GNG12: variants seen among roughly 807,000 people sequenced by gnomAD.
GNG12 encodes the protein G protein subunit gamma 12.
For synonymous variants in GNG12, 28 were observed against 29.7 expected (o/e 0.94, Z 0.19); for missense variants, 69 against 83.8 (o/e 0.82, Z 0.69).
intron 2 of GNG12, among the ~76,000 whole-genome samples, chr1:67,713,553 G>A (rs1235379976): frequency 6.6e-6 from 1 of 151,868 alleles, no homozygotes; most frequent in Non-Finnish European, 1.5e-5. Flanking sequence ...AAGCCCCAGG[G>A]TCTGAATCAC....
chr1:67,716,296 C>T (rs2100682143), intron 2 of GNG12, among the ~76,000 whole-genome samples: 1 of 152,236 alleles, frequency 6.6e-6, no homozygotes, highest in East Asian at 1.9e-4. Flanking sequence ...TTTGGAAATC[C>T]TTTTGAGGTC....
intron 2 of GNG12, among the ~76,000 whole-genome samples, chr1:67,710,826 T>C (rs984570251): frequency 2.0e-5 from 3 of 152,192 alleles, no homozygotes; most frequent in African/African-American, 7.2e-5. Flanking sequence ...CAATGGGGTA[T>C]TCCTGCTGGT....
chr1:67,706,656 C>T (rs1383486474), intron 3 of GNG12, among the ~76,000 whole-genome samples: 4 of 141,230 alleles, frequency 2.8e-5, no homozygotes, highest in African/African-American at 1.1e-4. Context: ...TCTTTTCTTT[C>T]TTTTTTTTTT....
chr1:67,760,842 G>A (rs1646599076), intron 2 of GNG12, among the ~76,000 whole-genome samples: 1 of 152,210 alleles, frequency 6.6e-6, no homozygotes, highest in African/African-American at 2.4e-5. Context: ...GATAAACAGA[G>A]AATCCACAAT....
Position 67,716,101 on chromosome 1 carries a change from G to T in GNG12, c.-26-8389C>A, listed in dbSNP as rs139296073. ...GCTTACAGGCAAGGCAAATGAGAGGGAGAGATGAGGAGGGGCTGCACAGAG... is the reference window on the plus strand; with the variant it reads ...GCTTACAGGCAAGGCAAATGAGAGGTAGAGATGAGGAGGGGCTGCACAGAG... On this transcript the variant is annotated intron_variant, in intron 2 of 3. Transcript: ENST00000370982. Among the ~76,000 whole-genome samples, 502 of 152,326 alleles carry T rather than the reference G, an allele frequency of 3.3e-3. 3 individuals are homozygous for T. Among genetic ancestry groups the T allele is most frequent in the African/African-American group, 0.011 (474 of 41,586 alleles).
At chr1:67,816,720 C>A (rs1017677763) in intron 1 of GNG12, among the ~76,000 whole-genome samples, 8 of 152,188 alleles carry the variant, frequency 5.3e-5, no homozygotes, top group African/African-American at 1.9e-4. Context: ...GCCGTCCTCC[C>A]AGGACAGGTA....
At chr1:67,730,681 T>C (rs902414117) in intron 2 of GNG12, among the ~76,000 whole-genome samples, 1 of 152,234 alleles carries the variant, frequency 6.6e-6, no homozygotes, top group Non-Finnish European at 1.5e-5. Context: ...GTGCTGGCTG[T>C]GTATTTCACT....
chr1:67,802,433 C>G lies in GNG12; in HGVS notation c.-76-24926G>C, dbSNP rs576667612. ...ATTGGCTCTACAGCCCCATCTCCAG[C>G]CAGCCACTCCTGCTGCTCTGCCATG... is the stretch of plus-strand genomic sequence containing the variant. On this transcript the variant is annotated intron_variant, in intron 1 of 3. Transcript: ENST00000370982. Among the ~76,000 whole-genome samples, 7 of 152,316 alleles carry G rather than the reference C, an allele frequency of 4.6e-5. No individual in the cohort carries two copies. In the South Asian group the frequency reaches 8.3e-4, roughly 18 times the overall value.
chr1:67,708,672 C>T (rs115712845), intron 2 of GNG12, among the ~76,000 whole-genome samples: 1,889 of 152,220 alleles, frequency 0.012, 33 homozygotes, highest in African/African-American at 0.044. Flanking sequence ...TGCCTGGTGC[C>T]CTGACCTATA....
chr1:67,753,547 C>G (rs1236876869), intron 2 of GNG12, among the ~76,000 whole-genome samples: 1 of 152,138 alleles, frequency 6.6e-6, no homozygotes, highest in African/African-American at 2.4e-5. Flanking sequence ...AAGCGGGGGC[C>G]AGGGCAGCCC....
rs1646218143 is a variant in GNG12 at position 67,701,963 on chromosome 1, A to G, written c.*3488T>C. The G allele has an allele frequency of 6.5e-6, 1 of 152,692 alleles. No individual in the cohort carries two copies. The highest frequency in any genetic ancestry group is 2.1e-4 in the South Asian group (1 of 4,836). The allele number at this position is 152,692 out of a possible 1,614,324, so 9.5% of individuals were successfully genotyped here. A position where few individuals can be genotyped will look rare whatever the true frequency, so the allele number is the denominator to read the frequency against. ...ACCAGCAGAGGGGTGGGGTCTTTGGACCAAGGCATCTGGGAACAGGAAGGG... is the reference window on the plus strand; with the variant it reads ...ACCAGCAGAGGGGTGGGGTCTTTGGGCCAAGGCATCTGGGAACAGGAAGGG... On this transcript the variant is annotated 3_prime_UTR_variant, in exon 4 of 4. Coordinates refer to ENST00000370982, the MANE Select transcript of GNG12 (RefSeq NM_018841.6).
Position 67,704,994 on chromosome 1 carries a change from T to A in GNG12, c.*457A>T, listed in dbSNP as rs920428155. The A allele has an allele frequency of 4.6e-5, 7 of 153,232 alleles. No homozygotes were observed. Among genetic ancestry groups the A allele is most frequent in the African/African-American group, 1.7e-4 (7 of 41,430 alleles). 9.5% of individuals were successfully genotyped at this position (153,232 alleles called of 1,614,324 possible). Reference sequence around the variant, plus strand: ...GTGTATACACAAAGGCATATATATATACACACAAACACCCCTCTCTCTTAT... The same window carrying A: ...GTGTATACACAAAGGCATATATATAAACACACAAACACCCCTCTCTCTTAT... On this transcript the variant is annotated 3_prime_UTR_variant, in exon 4 of 4. Coordinates refer to ENST00000370982, the MANE Select transcript of GNG12 (RefSeq NM_018841.6).
intron 2 of GNG12, among the ~76,000 whole-genome samples, chr1:67,708,408 A>C (rs1433832765): frequency 6.6e-6 from 1 of 152,156 alleles, no homozygotes; most frequent in Non-Finnish European, 1.5e-5. Context: ...ATAAAACGTT[A>C]TTATTCCCTC....
Position 67,797,520 on chromosome 1 carries a change from A to C in GNG12, c.-76-20013T>G, listed in dbSNP as rs1430922069. 2.0e-5 allele frequency among the ~76,000 whole-genome samples: 3 copies of C among 152,294 alleles called. No individual in the cohort carries two copies. In the East Asian group the frequency reaches 5.8e-4, roughly 29 times the overall value. On this transcript the variant is annotated intron_variant, in intron 1 of 3. Coordinates refer to ENST00000370982, the MANE Select transcript of GNG12 (RefSeq NM_018841.6). ...ATCACCTGTGAAAGCCAAACAACTCAAGTATGAACTACACAAAAATAAAAT... is the reference window on the plus strand; with the variant it reads ...ATCACCTGTGAAAGCCAAACAACTCCAGTATGAACTACACAAAAATAAAAT...
At chr1:67,824,009 C>A (rs1646997712) in intron 1 of GNG12, among the ~76,000 whole-genome samples, 1 of 151,994 alleles carries the variant, frequency 6.6e-6, no homozygotes, top group African/African-American at 2.4e-5. Context: ...CTAAAACATA[C>A]CACTAATTTT....
chr1:67,711,788 C>T (rs1159494126), intron 2 of GNG12, among the ~76,000 whole-genome samples: 1 of 152,202 alleles, frequency 6.6e-6, no homozygotes, highest in African/African-American at 2.4e-5. Flanking sequence ...GTAATCAGCA[C>T]ACCAAAGTGT....
At chr1:67,802,664 A>C (rs949567983) in intron 1 of GNG12, among the ~76,000 whole-genome samples, 1 of 152,102 alleles carries the variant, frequency 6.6e-6, no homozygotes, top group Non-Finnish European at 1.5e-5. Flanking sequence ...GTCCCAGGCT[A>C]CCTCTCTTTG....
chr1:67,704,516 T>G lies in GNG12; in HGVS notation c.*935A>C, dbSNP rs1229948543. The G allele has an allele frequency of 6.6e-6, 1 of 152,548 alleles. No homozygotes were observed. Among genetic ancestry groups the G allele is most frequent in the Non-Finnish European group, 1.5e-5 (1 of 68,050 alleles). The allele number at this position is 152,548 out of a possible 1,614,324, so 9.4% of individuals were successfully genotyped here. ...CACACATTCCTGCTCCTCTCTCAGCTGGGCTCATGTTCACTCCGTTTCATT... is the reference window on the plus strand; with the variant it reads ...CACACATTCCTGCTCCTCTCTCAGCGGGGCTCATGTTCACTCCGTTTCATT... On this transcript the variant is annotated 3_prime_UTR_variant, in exon 4 of 4. Transcript: ENST00000370982.
chr1:67,799,742 T>C (rs1303216225), intron 1 of GNG12, among the ~76,000 whole-genome samples: 1 of 152,240 alleles, frequency 6.6e-6, no homozygotes. Flanking sequence ...AATATAATAG[T>C]AATAAATTCA....
Sources: allele counts gnomAD v4.1 joint callset (sites outside exome capture counted in the v4.1 genomes callset), GRCh38; gene constraint gnomAD v4.1.1; transcripts MANE v1.5; gene names NCBI Gene and HGNC (gene_info 2026-07-23, HGNC 2026-07-21).